BMP5: variants seen among roughly 807,000 people sequenced by gnomAD.
BMP5 encodes the protein bone morphogenetic protein 5.
A neutral mutation model predicts 46.6 loss-of-function variants in BMP5; 23 were observed. The observed-to-expected ratio is 0.49, with a 90% CI of 0.35 to 0.70. BMP5 has a LOEUF of 0.70. Among genes scored for constraint, BMP5 ranks in the 30% least tolerant of loss-of-function variants. The probability of loss-of-function intolerance (pLI) is 0.00; values close to 1 mark genes in which losing one functional copy is unlikely to be tolerated. For synonymous variants in BMP5, 204 were observed against 191.9 expected (o/e 1.06, Z -0.52); for missense variants, 545 against 565.6 (o/e 0.96, Z 0.37).
chr6:55,853,286 T>C (rs959370007), intron 1 of BMP5, among the ~76,000 whole-genome samples: 6 of 151,742 alleles, frequency 4.0e-5, no homozygotes, highest in Non-Finnish European at 7.4e-5. Flanking sequence ...TATGAGTAAA[T>C]TATCTTTCTA....
chr6:55,825,857 T>A (rs1776519671), intron 1 of BMP5, among the ~76,000 whole-genome samples: 1 of 151,844 alleles, frequency 6.6e-6, no homozygotes, highest in South Asian at 2.1e-4. Context: ...GCAGTAGCTG[T>A]AAGGCAAAGA....
chr6:55,858,929 G>A (rs1208030169), intron 1 of BMP5, among the ~76,000 whole-genome samples: 4 of 152,160 alleles, frequency 2.6e-5, no homozygotes, highest in Non-Finnish European at 5.9e-5. Context: ...AGAACATATG[G>A]ACACAAGGAG....
chr6:55,840,288 A>T (rs1776917728), intron 1 of BMP5, among the ~76,000 whole-genome samples: 2 of 152,166 alleles, frequency 1.3e-5, no homozygotes, highest in Non-Finnish European at 2.9e-5. Context: ...GACTTTAAAA[A>T]TACTTATGTT....
chr6:55,802,239 G>C (rs564263662), intron 2 of BMP5, among the ~76,000 whole-genome samples: 1 of 152,122 alleles, frequency 6.6e-6, no homozygotes, highest in African/African-American at 2.4e-5. Flanking sequence ...CATGGCAATA[G>C]TTCTATTAAA....
intron 3 of BMP5, among the ~76,000 whole-genome samples, chr6:55,786,323 T>C (rs1775448681): frequency 6.6e-6 from 1 of 151,756 alleles, no homozygotes; most frequent in Non-Finnish European, 1.5e-5. Context: ...TGCAGCAAGG[T>C]TGTAAGTGAC....
intron 4 of BMP5, among the ~76,000 whole-genome samples, chr6:55,764,510 T>C (rs1774870989): frequency 6.6e-6 from 1 of 150,802 alleles, no homozygotes; most frequent in South Asian, 2.1e-4. Flanking sequence ...GAGGCGGAGC[T>C]TGCAGTGAGC....
At chr6:55,830,466 G>A (rs976476888) in intron 1 of BMP5, among the ~76,000 whole-genome samples, 21 of 152,052 alleles carry the variant, frequency 1.4e-4, no homozygotes, top group African/African-American at 4.8e-4. Flanking sequence ...ACGCATCTTT[G>A]AGCAGTATCT....
intron 3 of BMP5, among the ~76,000 whole-genome samples, chr6:55,792,797 A>C (rs1775604916): frequency 1.3e-5 from 2 of 152,142 alleles, no homozygotes; most frequent in South Asian, 4.1e-4. Flanking sequence ...TGGTTTATTA[A>C]ACAAGGCTTT....
chr6:55,829,404 C>A (rs961103399), intron 1 of BMP5, among the ~76,000 whole-genome samples: 1 of 151,644 alleles, frequency 6.6e-6, no homozygotes, highest in African/African-American at 2.4e-5. Flanking sequence ...CAGACTCTGC[C>A]ATTCCAGTGA....
At position 55,874,833 on chromosome 6, in the gene BMP5, A is replaced by C. The variant is rs1335194778; in HGVS notation, c.33T>G (p.Ile11Met). 7.4e-6 allele frequency: 12 copies of C among 1,613,320 alleles called. No homozygotes were observed. Among genetic ancestry groups the C allele is most frequent in the Non-Finnish European group, 9.3e-6 (11 of 1,179,570 alleles). Residue 11 changes from isoleucine (I) to methionine (M), a missense_variant, in exon 1 of 7, where the codon ATT becomes ATG. Transcript: ENST00000370830. The part of the protein sequence containing the change: MHLTVFLLKG[I>M]VGFLWSCWVL... ...CCCAGCAGCTCCAGAGGAAACCCACAATACCCTTAAGTAAAAATACAGTCA... is the reference window on the plus strand; with the variant it reads ...CCCAGCAGCTCCAGAGGAAACCCACCATACCCTTAAGTAAAAATACAGTCA...
At chr6:55,814,693 C>A (rs572133980) in intron 2 of BMP5, among the ~76,000 whole-genome samples, 1 of 152,212 alleles carries the variant, frequency 6.6e-6, no homozygotes, top group East Asian at 1.9e-4. Flanking sequence ...GAAAGTGAAT[C>A]CTGCATCTAT....
intron 3 of BMP5, among the ~76,000 whole-genome samples, chr6:55,774,607 C>T (rs895563532): frequency 2.0e-5 from 3 of 151,970 alleles, no homozygotes; most frequent in Middle Eastern, 3.2e-3. Context: ...CTCTTCGGCA[C>T]TAAATGCCCT....
intron 1 of BMP5, among the ~76,000 whole-genome samples, chr6:55,846,598 C>A (rs1777103135): frequency 1.3e-5 from 2 of 151,880 alleles, no homozygotes; most frequent in South Asian, 4.1e-4. Flanking sequence ...AAATTAGTAT[C>A]CTCTTTCATG....
chr6:55,840,594 A>G (rs1351340325), intron 1 of BMP5, among the ~76,000 whole-genome samples: 2 of 152,084 alleles, frequency 1.3e-5, no homozygotes, highest in African/African-American at 4.8e-5. Flanking sequence ...GCTTTGAAAT[A>G]TTTGTACTTT....
chr6:55,785,205 G>A (rs1193002925), intron 3 of BMP5, among the ~76,000 whole-genome samples: 1 of 151,746 alleles, frequency 6.6e-6, no homozygotes, highest in Admixed American at 6.6e-5. Flanking sequence ...AATTGATATT[G>A]GCAAAAGGTA....
At chr6:55,795,563 T>G (rs1313314916) in intron 2 of BMP5, among the ~76,000 whole-genome samples, 1 of 152,094 alleles carries the variant, frequency 6.6e-6, no homozygotes, top group African/African-American at 2.4e-5. Context: ...AAAACACATT[T>G]TTAATAAATC....
At chr6:55,843,641 T>G (rs1777020811) in intron 1 of BMP5, among the ~76,000 whole-genome samples, 1 of 151,986 alleles carries the variant, frequency 6.6e-6, no homozygotes, top group Non-Finnish European at 1.5e-5. Context: ...AATTTTATGG[T>G]GGAGTAATCT....
At chr6:55,815,390 G>A (rs1776235123) in intron 2 of BMP5, among the ~76,000 whole-genome samples, 1 of 152,042 alleles carries the variant, frequency 6.6e-6, no homozygotes, top group Non-Finnish European at 1.5e-5. Context: ...ATACTATTTG[G>A]CAAATTAAAT....
intron 1 of BMP5, among the ~76,000 whole-genome samples, chr6:55,834,316 A>G (rs1197123821): frequency 6.6e-6 from 1 of 152,118 alleles, no homozygotes; most frequent in East Asian, 1.9e-4. Flanking sequence ...CCTGCTTTTC[A>G]TTACCCCTAG....
Sources: gnomAD v4.1 joint callset for allele counts (sites outside exome capture counted in the v4.1 genomes callset) on GRCh38, gnomAD v4.1.1 for gene constraint, MANE v1.5 for transcripts, NCBI Gene and HGNC (gene_info 2026-07-23, HGNC 2026-07-21) for gene names.